The following KCNB2 variants were observed in gnomAD, a reference collection of about 807,000 sequenced individuals.
The protein encoded by KCNB2 is potassium voltage-gated channel subfamily B member 2.
A neutral mutation model predicts 61.5 loss-of-function variants in KCNB2; 15 were observed. That is an observed-to-expected ratio of 0.24 (90% CI 0.16 to 0.38). The LOEUF is 0.38. KCNB2 is among the 10% of genes least tolerant of loss of function. KCNB2 has a pLI of 1.00. For synonymous variants in KCNB2, 457 were observed against 446.0 expected (o/e 1.02, Z -0.31); for missense variants, 828 against 1,125.2 (o/e 0.74, Z 3.78).
At chr8:72,705,057 T>C (rs1010879532) in intron 2 of KCNB2, among the ~76,000 whole-genome samples, 1 of 152,232 alleles carries the variant, frequency 6.6e-6, no homozygotes, top group Non-Finnish European at 1.5e-5. Flanking sequence ...GAGGGCTGAC[T>C]GTATGAAGCT....
chr8:72,830,227 CAAAAAAAA>C (rs543474001), intron 2 of KCNB2, among the ~76,000 whole-genome samples: 46 of 83,436 alleles, frequency 5.5e-4, no homozygotes, highest in South Asian at 1.8e-3. Context: ...TCATATTTTC[CAAAAAAAA>C]AAAAAAAAAA....
At chr8:72,780,825 T>C (rs1808740935) in intron 2 of KCNB2, among the ~76,000 whole-genome samples, 1 of 152,214 alleles carries the variant, frequency 6.6e-6, no homozygotes, top group African/African-American at 2.4e-5. Context: ...TTGAACTAAT[T>C]TACATTCCTA....
intron 2 of KCNB2, among the ~76,000 whole-genome samples, chr8:72,920,128 A>C (rs1425685933): frequency 6.6e-6 from 1 of 152,122 alleles, no homozygotes; most frequent in African/African-American, 2.4e-5. Flanking sequence ...TATATAACTT[A>C]AGTCATGTAA....
At chr8:72,814,353 C>T (rs889785239) in intron 2 of KCNB2, among the ~76,000 whole-genome samples, 1 of 152,050 alleles carries the variant, frequency 6.6e-6, no homozygotes, top group Admixed American at 6.6e-5. Context: ...AGGGTATATC[C>T]ATAAAAAGTG....
chr8:72,761,690 C>A (rs753650414), intron 2 of KCNB2, among the ~76,000 whole-genome samples: 1 of 152,200 alleles, frequency 6.6e-6, no homozygotes, highest in Non-Finnish European at 1.5e-5. Context: ...CTATTTGGAG[C>A]AACCTGATCT....
intron 2 of KCNB2, among the ~76,000 whole-genome samples, chr8:72,921,377 A>G (rs1212320650): frequency 1.3e-5 from 2 of 152,160 alleles, no homozygotes; most frequent in Non-Finnish European, 2.9e-5. Flanking sequence ...TGCTGTTCTG[A>G]TGAGCCACAC....
chr8:72,579,008 A>G (rs1157624691), intron 2 of KCNB2, among the ~76,000 whole-genome samples: 5 of 152,206 alleles, frequency 3.3e-5, no homozygotes, highest in African/African-American at 1.2e-4. Context: ...TATTGCCACC[A>G]ATGGGAACTT....
intron 2 of KCNB2, among the ~76,000 whole-genome samples, chr8:72,665,689 T>C (rs1255603856): frequency 6.6e-6 from 1 of 152,204 alleles, no homozygotes; most frequent in African/African-American, 2.4e-5. Context: ...GAGACTAACA[T>C]GTAAGTTTGT....
At chr8:72,748,942 G>A (rs1390548540) in intron 2 of KCNB2, among the ~76,000 whole-genome samples, 1 of 151,922 alleles carries the variant, frequency 6.6e-6, no homozygotes. Context: ...TTCAATAGAT[G>A]TCTTGAACTT....
At chr8:72,859,978 C>T (rs1810273868) in intron 2 of KCNB2, among the ~76,000 whole-genome samples, 1 of 151,950 alleles carries the variant, frequency 6.6e-6, no homozygotes, top group South Asian at 2.1e-4. Context: ...CTTGGCCTCC[C>T]AAAGTGCTAG....
intron 2 of KCNB2, among the ~76,000 whole-genome samples, chr8:72,627,808 C>G (rs1259126278): frequency 6.6e-6 from 1 of 152,238 alleles, no homozygotes; most frequent in Admixed American, 6.5e-5. Context: ...ACACTCACTT[C>G]TGCAAGCAAA....
At chr8:72,826,080 C>T (rs1053940118) in intron 2 of KCNB2, among the ~76,000 whole-genome samples, 3 of 152,162 alleles carry the variant, frequency 2.0e-5, no homozygotes, top group Admixed American at 6.5e-5. Flanking sequence ...AATGGTATAA[C>T]GTATCTGACA....
chr8:72,917,275 T>C (rs1806418754), intron 2 of KCNB2, among the ~76,000 whole-genome samples: 1 of 152,190 alleles, frequency 6.6e-6, no homozygotes, highest in Admixed American at 6.5e-5. Context: ...GATCAAAAGG[T>C]TGAATTTAGC....
intron 2 of KCNB2, among the ~76,000 whole-genome samples, chr8:72,793,258 C>G (rs1311507175): frequency 6.6e-6 from 1 of 151,976 alleles, no homozygotes; most frequent in South Asian, 2.1e-4. Context: ...AATTAATGAA[C>G]CAGAAAAAAA....
chr8:72,568,914 CTG>C (rs1806668181), intron 2 of KCNB2, among the ~76,000 whole-genome samples: 1 of 151,674 alleles, frequency 6.6e-6, no homozygotes, highest in South Asian at 2.1e-4. Context: ...ATGTTTCTGA[CTG>C]TTAATTTTTT....
intron 2 of KCNB2, among the ~76,000 whole-genome samples, chr8:72,786,247 GC>G (rs1450127742): frequency 1.3e-5 from 2 of 152,094 alleles, no homozygotes; most frequent in Admixed American, 1.3e-4. Flanking sequence ...GAGACCCAGA[GC>G]ACATTTTGCT....
intron 2 of KCNB2, among the ~76,000 whole-genome samples, chr8:72,874,273 A>C: frequency 6.6e-6 from 1 of 152,194 alleles, no homozygotes; most frequent in South Asian, 2.1e-4. Flanking sequence ...GACTGATCCG[A>C]ATTAGTTGGA....
chr8:72,634,513 A>G (rs1229644299), intron 2 of KCNB2, among the ~76,000 whole-genome samples: 1 of 152,130 alleles, frequency 6.6e-6, no homozygotes, highest in Non-Finnish European at 1.5e-5. Flanking sequence ...AAATGAATCA[A>G]TTTCTTCCCA....
chr8:72,554,874 G>A (rs774567370), intron 1 of KCNB2, among the ~76,000 whole-genome samples: 4 of 151,990 alleles, frequency 2.6e-5, no homozygotes, highest in Non-Finnish European at 4.4e-5. Context: ...GAATTGTAAC[G>A]TGATAGTAGA....
Sources: allele counts gnomAD v4.1 joint callset (sites outside exome capture counted in the v4.1 genomes callset), GRCh38; gene constraint gnomAD v4.1.1; transcripts MANE v1.5; gene names NCBI Gene and HGNC (gene_info 2026-07-23, HGNC 2026-07-21).